TCF4: variants seen among roughly 807,000 people sequenced by gnomAD.
TCF4 encodes the protein SL3-3 enhancer factor 2.
In TCF4, 3 loss-of-function variants were observed where a neutral mutation model predicts 82.1. The ratio of observed to expected loss-of-function variants is 0.04; its 90% confidence interval spans 0.02 to 0.09. The LOEUF (loss-of-function observed/expected upper bound fraction) is 0.09. TCF4 is among the 10% of genes least tolerant of loss of function. The pLI, the probability that TCF4 is intolerant of heterozygous loss-of-function variation, is 1.00. For synonymous variants in TCF4, 276 were observed against 309.6 expected, an observed-to-expected ratio of 0.89 and a Z score of 1.14; for missense variants, 518 against 852.7, an observed-to-expected ratio of 0.61 and a Z score of 4.89.
intron 3 of TCF4, among the ~76,000 whole-genome samples, chr18:55,476,651 A>G (rs1404126949): frequency 6.6e-6 from 1 of 151,736 alleles, no homozygotes; most frequent in Non-Finnish European, 1.5e-5. Context: ...AATTTTTTGT[A>G]GAGACAGGGT....
intron 8 of TCF4, among the ~76,000 whole-genome samples, chr18:55,325,162 T>C (rs973762149): frequency 5.3e-5 from 8 of 152,194 alleles, no homozygotes; most frequent in African/African-American, 1.4e-4. Context: ...CTACATCACT[T>C]GAATGAAGAG....
chr18:55,314,346 TA>T (rs2073474399), intron 8 of TCF4, among the ~76,000 whole-genome samples: 1 of 152,120 alleles, frequency 6.6e-6, no homozygotes, highest in Non-Finnish European at 1.5e-5. Context: ...CAGTTTAGCT[TA>T]ATAATGCCAT....
chr18:55,533,665 A>G (rs1354168851), intron 3 of TCF4, among the ~76,000 whole-genome samples: 2 of 152,242 alleles, frequency 1.3e-5, no homozygotes, highest in Non-Finnish European at 2.9e-5. Context: ...GTGAATTTCC[A>G]TGTAACAATG....
At position 55,269,850 on chromosome 18, in the gene TCF4, G is replaced by A. The variant is rs781392344; in HGVS notation, c.903C>T (p.Asn301=). The A allele has an allele frequency of 1.4e-5, 22 of 1,613,172 alleles. No homozygotes were observed. The highest frequency in any genetic ancestry group is 4.5e-5 in the East Asian group (2 of 44,838). Residue 301 remains asparagine, a synonymous_variant, in exon 11 of 20, where the codon AAC becomes AAT. Coordinates refer to ENST00000354452, the MANE Select transcript of TCF4 (RefSeq NM_001083962.2). ...YSTSSCTPPA[N]GTDSIMANRG... The stretch of plus-strand genomic sequence containing the variant: ...ACTCACCCATTATACTGTCTGTCCC[G>A]TTGGCAGGAGGCGTACAGGAAGAGG...
At chr18:55,353,247 C>T (rs1029495368) in intron 6 of TCF4, among the ~76,000 whole-genome samples, 1 of 152,142 alleles carries the variant, frequency 6.6e-6, no homozygotes, top group African/African-American at 2.4e-5. Flanking sequence ...TATAAAATAA[C>T]TACAAAACAG....
rs919550733 is a variant in TCF4 at position 55,463,527 on chromosome 18, G to C, written c.207+549C>G. 6.6e-5 allele frequency among the ~76,000 whole-genome samples: 10 copies of C among 152,206 alleles called. No individual in the cohort carries two copies. The South Asian group carries it at 1.9e-3, about 28-fold the overall frequency. On this transcript the variant is annotated intron_variant, in intron 4 of 19. Coordinates refer to ENST00000354452, the MANE Select transcript of TCF4 (RefSeq NM_001083962.2). Reference sequence around the variant, plus strand: ...AGCAAAAAGTTGAGGGCAAATAAATGAATGATCCATCTAGTGATCAAAGTC... The same window carrying C: ...AGCAAAAAGTTGAGGGCAAATAAATCAATGATCCATCTAGTGATCAAAGTC...
At chr18:55,543,347 T>A (rs1282215915) in intron 3 of TCF4, among the ~76,000 whole-genome samples, 2 of 152,094 alleles carry the variant, frequency 1.3e-5, no homozygotes, top group Non-Finnish European at 2.9e-5. Context: ...GATAATACAC[T>A]GCCTTGGCTA....
intron 8 of TCF4, among the ~76,000 whole-genome samples, chr18:55,295,294 C>G (rs1031143641): frequency 6.6e-6 from 1 of 152,194 alleles, no homozygotes; most frequent in Non-Finnish European, 1.5e-5. Context: ...CCTGGTCACT[C>G]TCTATGTCTG....
In TCF4 at chr18:55,407,860, T is replaced by C. The variant is rs562930320; in HGVS notation, c.305-4342A>G. ...CTTCCGATACATCCATGGTATCCTA[T>C]TGTAAGGGAACTGGGTGACAATGAA... On this transcript the variant is annotated intron_variant, in intron 5 of 19. Transcript: ENST00000354452. 1.4e-3 allele frequency among the ~76,000 whole-genome samples: 219 copies of C among 152,246 alleles called. 1 individual carries two copies. Among genetic ancestry groups the C allele is most frequent in the Middle Eastern group, 6.8e-3 (2 of 294 alleles).
intron 3 of TCF4, among the ~76,000 whole-genome samples, chr18:55,574,850 A>AT (rs1236634687): frequency 6.6e-6 from 1 of 152,232 alleles, no homozygotes; most frequent in Non-Finnish European, 1.5e-5. Flanking sequence ...GAATGTGCAC[A>AT]TAAGTAAATT....
intron 8 of TCF4, among the ~76,000 whole-genome samples, chr18:55,335,996 G>GAA (rs968747537): frequency 7.0e-6 from 1 of 143,284 alleles, no homozygotes; most frequent in African/African-American, 2.6e-5. Context: ...TAGTAAAAAG[G>GAA]AAAAAAAAAA....
chr18:55,563,008 G>C (rs1248093112), intron 3 of TCF4, among the ~76,000 whole-genome samples: 3 of 152,094 alleles, frequency 2.0e-5, no homozygotes, highest in Non-Finnish European at 2.9e-5. Flanking sequence ...GGGAGGCCGA[G>C]GCAGGCAGAT....
chr18:55,322,352 T>C, intron 8 of TCF4: 2 of 989,856 alleles, frequency 2.0e-6, no homozygotes, highest in Middle Eastern at 5.0e-4. Flanking sequence ...TCTCTGCTGC[T>C]GGCTAGCTCC....
In TCF4 at chr18:55,321,960, G is replaced by A. The variant is rs1020374620; in HGVS notation, c.549+28399C>T. ...GCGCAGCGGAGCTGGAAGGCAGCCC[G>A]GCCCTGATGGAGCTCGAAATCCTAA... is the stretch of plus-strand genomic sequence containing the variant. On this transcript the variant is annotated intron_variant, in intron 8 of 19. Coordinates refer to ENST00000354452, the MANE Select transcript of TCF4 (RefSeq NM_001083962.2). 6 of 1,326,008 alleles carry A rather than the reference G, an allele frequency of 4.5e-6. No individual in the cohort carries two copies. In the African/African-American group the frequency reaches 8.9e-5, roughly 20 times the overall value. The allele number at this position is 1,326,008 out of a possible 1,614,324, so 82.1% of individuals were successfully genotyped here.
At chr18:55,588,766 TGGG>T, upstream of TCF4, 1 of 1,188,924 alleles carries the variant, frequency 8.4e-7, no homozygotes, top group Non-Finnish European at 1.1e-6. Context: ...AGTTTTGCGT[TGGG>T]GGCGAAATCT....
In TCF4 at chr18:55,302,159, C is replaced by A. The variant is rs1201730771; in HGVS notation, c.550-22503G>T. On this transcript the variant is annotated intron_variant, in intron 8 of 19. Transcript: ENST00000354452. The stretch of plus-strand genomic sequence containing the variant: ...GAACAAGGTGGCACTTGCCAAGGAC[C>A]CTCGGCCACGAGGCAATCCAGGAAC... Among the ~76,000 whole-genome samples the A allele has an allele frequency of 3.3e-5, 5 of 152,288 alleles. No individual in the cohort carries two copies. The East Asian group carries it at 9.6e-4, about 29-fold the overall frequency.
chr18:55,475,123 A>T (rs538762180), intron 3 of TCF4, among the ~76,000 whole-genome samples: 1 of 152,278 alleles, frequency 6.6e-6, no homozygotes, highest in East Asian at 1.9e-4. Context: ...TCCATATTCC[A>T]ATAGGGAACT....
At chr18:55,438,309 G>A (rs1031795915) in intron 5 of TCF4, among the ~76,000 whole-genome samples, 1 of 144,502 alleles carries the variant, frequency 6.9e-6, no homozygotes, top group African/African-American at 2.6e-5. Context: ...CTCAGCCATT[G>A]AGGTGGGGTT....
intron 8 of TCF4, among the ~76,000 whole-genome samples, chr18:55,289,978 T>C (rs2064663149): frequency 6.6e-6 from 1 of 151,994 alleles, no homozygotes; most frequent in Admixed American, 6.6e-5. Flanking sequence ...AGTGCATGCA[T>C]GCATGAATGA....
Sources: gnomAD v4.1 joint callset for allele counts (sites outside exome capture counted in the v4.1 genomes callset) on GRCh38, gnomAD v4.1.1 for gene constraint, MANE v1.5 for transcripts, NCBI Gene and HGNC (gene_info 2026-07-23, HGNC 2026-07-21) for gene names.